Variants in CALN1 observed in about 807,000 individuals in gnomAD.
CALN1 encodes calneuron 1, also known as calcium-binding protein 8.
CALN1 carries 17 observed loss-of-function variants against 30.6 expected under a neutral mutation model. The observed-to-expected ratio is 0.56, with a 90% CI of 0.38 to 0.83. CALN1 has a LOEUF of 0.83. Ranked by LOEUF, CALN1 falls within the 40% of genes least tolerant of loss-of-function variation. The pLI is 0.00. For missense variants in CALN1, 291 were observed against 354.9 expected, an observed-to-expected ratio of 0.82 and a Z score of 1.45; for synonymous variants, 156 against 131.4, an observed-to-expected ratio of 1.19 and a Z score of -1.28.
intron 4 of CALN1, among the ~76,000 whole-genome samples, chr7:72,060,970 G>A (rs957067973): frequency 6.6e-6 from 1 of 152,164 alleles, no homozygotes; most frequent in African/African-American, 2.4e-5. Context: ...CTCCTCCATA[G>A]CAACAACTAA....
At chr7:72,206,453 C>A (rs189936967) in intron 3 of CALN1, among the ~76,000 whole-genome samples, 1 of 152,278 alleles carries the variant, frequency 6.6e-6, no homozygotes, top group East Asian at 1.9e-4. Flanking sequence ...GCTTCTAATA[C>A]TATATGTGAC....
chr7:72,122,725 C>A (rs1374626897), intron 3 of CALN1, among the ~76,000 whole-genome samples: 3 of 152,114 alleles, frequency 2.0e-5, no homozygotes. Context: ...GACACTGCCT[C>A]TAAGAAACAA....
At chr7:71,836,914 C>A (rs73362115) in intron 5 of CALN1, among the ~76,000 whole-genome samples, 13,502 of 150,530 alleles carry the variant, frequency 0.09, 2,047 homozygotes, top group African/African-American at 0.31. Context: ...CACCAGTGCC[C>A]AGCCAGAAAA....
At chr7:71,909,121 A>C (rs1047282750) in intron 5 of CALN1, among the ~76,000 whole-genome samples, 1 of 152,098 alleles carries the variant, frequency 6.6e-6, no homozygotes, top group Non-Finnish European at 1.5e-5. Context: ...GGCTCAAGCG[A>C]TCTTCCCACC....
intron 3 of CALN1, among the ~76,000 whole-genome samples, chr7:72,170,539 C>A (rs1788864474): frequency 6.6e-6 from 1 of 152,168 alleles, no homozygotes; most frequent in Non-Finnish European, 1.5e-5. Context: ...GGAATTTCAA[C>A]CTGGACGTTA....
chr7:72,042,188 A>C (rs552649950), intron 4 of CALN1, among the ~76,000 whole-genome samples: 1 of 152,202 alleles, frequency 6.6e-6, no homozygotes, highest in East Asian at 1.9e-4. Flanking sequence ...AGTGTAACCC[A>C]CCTAACCCAC....
chr7:72,041,521 T>C (rs1802126400), intron 4 of CALN1, among the ~76,000 whole-genome samples: 1 of 152,114 alleles, frequency 6.6e-6, no homozygotes, highest in South Asian at 2.1e-4. Flanking sequence ...GTAGCTGGGA[T>C]AACAGGTGCA....
At chr7:72,189,747 G>A (rs947230216) in intron 3 of CALN1, among the ~76,000 whole-genome samples, 37 of 141,916 alleles carry the variant, frequency 2.6e-4, no homozygotes, top group Admixed American at 2.2e-3. Context: ...TAGCCTAGGC[G>A]ACAGCGCCAG....
chr7:72,017,016 A>AAAAAAAAAAAAAAAAAAAC (rs1800425338), intron 5 of CALN1, among the ~76,000 whole-genome samples: 1 of 147,302 alleles, frequency 6.8e-6, no homozygotes, highest in Non-Finnish European at 1.5e-5. Flanking sequence ...AAAAAAAAAA[A>AAAAAAAAAAAAAAAAAAAC]AGCTGGGTAT....
intron 5 of CALN1, among the ~76,000 whole-genome samples, chr7:71,826,208 A>G (rs1468698071): frequency 3.3e-5 from 5 of 152,068 alleles, no homozygotes; most frequent in African/African-American, 9.7e-5. Context: ...ACAAGGAATC[A>G]GCTCAAGGGA....
chr7:72,169,766 TG>T (rs1469474394), intron 3 of CALN1, among the ~76,000 whole-genome samples: 1 of 150,114 alleles, frequency 6.7e-6, no homozygotes, highest in Non-Finnish European at 1.5e-5. Flanking sequence ...CTCGGCTCAC[TG>T]CAACTTCCAC....
chr7:72,165,388 C>A (rs1006068893), intron 3 of CALN1, among the ~76,000 whole-genome samples: 2 of 151,778 alleles, frequency 1.3e-5, no homozygotes, highest in Non-Finnish European at 2.9e-5. Context: ...GGTGAGACTG[C>A]GTTCCTACTA....
At chr7:72,048,174 G>C (rs531098291) in intron 4 of CALN1, among the ~76,000 whole-genome samples, 1 of 151,846 alleles carries the variant, frequency 6.6e-6, no homozygotes, top group South Asian at 2.1e-4. Context: ...CAAGTAGCTG[G>C]GAGTACAGGT....
intron 4 of CALN1, among the ~76,000 whole-genome samples, chr7:72,027,458 C>T (rs1385478147): frequency 6.6e-6 from 1 of 152,146 alleles, no homozygotes; most frequent in Non-Finnish European, 1.5e-5. Context: ...TGCCTGTAAT[C>T]CTAGCACTTT....
At chr7:72,022,385 A>C (rs1158311011) in intron 5 of CALN1, among the ~76,000 whole-genome samples, 1 of 152,040 alleles carries the variant, frequency 6.6e-6, no homozygotes, top group Non-Finnish European at 1.5e-5. Context: ...TTCCCTAGCC[A>C]AATTATTATT....
At position 72,288,892 on chromosome 7, in the gene CALN1, T is replaced by C. The variant is rs183218219; in HGVS notation, c.120-10082A>G. ...CTTACAATCGATACTTATGTAAACT[T>C]TTCCACAAGTTTGCCAATTTTCTGC... is the stretch of plus-strand genomic sequence containing the variant. On this transcript the variant is annotated intron_variant, in intron 2 of 6. Transcript: ENST00000395275. Among the ~76,000 whole-genome samples the C allele has an allele frequency of 1.1e-3, 163 of 152,348 alleles. 2 individuals are homozygous for C. Among genetic ancestry groups the C allele is most frequent in the African/African-American group, 3.6e-3 (151 of 41,578 alleles).
At chr7:72,214,082 C>T (rs59627743) in intron 3 of CALN1, among the ~76,000 whole-genome samples, 3,208 of 152,344 alleles carry the variant, frequency 0.021, 110 homozygotes, top group African/African-American at 0.071. Flanking sequence ...GATTCCCCAG[C>T]TCAACCCTGT....
At chr7:72,344,668 AT>A (rs1802538663) in intron 2 of CALN1, among the ~76,000 whole-genome samples, 1 of 146,872 alleles carries the variant, frequency 6.8e-6, no homozygotes, top group Non-Finnish European at 1.5e-5. Flanking sequence ...ATAAATATAT[AT>A]TTTATTTATG....
chr7:71,957,351 G>A (rs1275084742), intron 5 of CALN1, among the ~76,000 whole-genome samples: 1 of 152,042 alleles, frequency 6.6e-6, no homozygotes, highest in Non-Finnish European at 1.5e-5. Context: ...AAAACGTGAT[G>A]AAATCTGATA....
Sources: gnomAD v4.1 joint callset for allele counts (sites outside exome capture counted in the v4.1 genomes callset) on GRCh38, gnomAD v4.1.1 for gene constraint, MANE v1.5 for transcripts, NCBI Gene and HGNC (gene_info 2026-07-23, HGNC 2026-07-21) for gene names.